Variants in RPH3AL observed in about 807,000 individuals in gnomAD.
RPH3AL encodes the protein rabphilin 3A like (without C2 domains).
In RPH3AL, 38 loss-of-function variants were observed where a neutral mutation model predicts 43.1. The ratio of observed to expected loss-of-function variants is 0.88; its 90% CI spans 0.68 to 1.15. The LOEUF (loss-of-function observed/expected upper bound fraction) is 1.15. RPH3AL is among the 50% of genes most tolerant of loss of function. The pLI is 0.00. For synonymous variants in RPH3AL, 189 were observed against 176.3 expected (o/e 1.07, Z -0.57); for missense variants, 462 against 423.2 (o/e 1.09, Z -0.81).
intron 5 of RPH3AL, among the ~76,000 whole-genome samples, chr17:313,988 T>C (rs1047438550): frequency 3.3e-5 from 5 of 152,016 alleles, no homozygotes; most frequent in Admixed American, 6.6e-5. Context: ...CTCAGTCTGC[T>C]CAACACCAAG....
At chr17:316,559 A>C (rs1337893890) in intron 5 of RPH3AL, among the ~76,000 whole-genome samples, 3 of 141,292 alleles carry the variant, frequency 2.1e-5, no homozygotes, top group Non-Finnish European at 4.5e-5. Flanking sequence ...ACTGACATGT[A>C]GTCCCTGTGC....
At chr17:272,769 C>T (rs896930548) in intron 6 of RPH3AL, among the ~76,000 whole-genome samples, 29 of 150,978 alleles carry the variant, frequency 1.9e-4, no homozygotes, top group Non-Finnish European at 3.2e-4. Flanking sequence ...AAGTCACACA[C>T]ACACACACAC....
rs1044882593 is a variant in RPH3AL at position 246,770 on chromosome 17, G to T, written c.613+341C>A. Reference sequence around the variant, plus strand: ...GAGGGCCTGCCTGGGAAAGATGTAGGTTTTATACTTTGCAAAATACCTTAA... The same window carrying T: ...GAGGGCCTGCCTGGGAAAGATGTAGTTTTTATACTTTGCAAAATACCTTAA... On this transcript the variant is annotated intron_variant, in intron 7 of 9. Transcript: ENST00000331302. This position sits in a 1 kb window ranked among gnomAD's most constrained non-coding sequence, Gnocchi z 4.8. Among the ~76,000 whole-genome samples the T allele has an allele frequency of 1.3e-5, 2 of 152,190 alleles. No individual in the cohort carries two copies. The highest frequency in any genetic ancestry group is 2.9e-5 in the Non-Finnish European group (2 of 68,036).
At chr17:258,105 C>T (rs1382079904) in intron 6 of RPH3AL, among the ~76,000 whole-genome samples, 3 of 152,222 alleles carry the variant, frequency 2.0e-5, no homozygotes, top group East Asian at 3.9e-4. Context: ...TGAGGCTGAG[C>T]AATGTTCCCC....
chr17:238,140 A>T (rs918610816), intron 7 of RPH3AL, among the ~76,000 whole-genome samples: 4 of 144,634 alleles, frequency 2.8e-5, no homozygotes, highest in Non-Finnish European at 6.1e-5. Context: ...AAACCCTGAG[A>T]AAGAAAGAAA....
At chr17:239,311 A>C (rs910866793) in intron 7 of RPH3AL, among the ~76,000 whole-genome samples, 1 of 152,188 alleles carries the variant, frequency 6.6e-6, no homozygotes, top group Non-Finnish European at 1.5e-5. Flanking sequence ...TAACATTTCG[A>C]TCTTACCTAT....
At chr17:241,715 TTTTTTC>T (rs2041539745) in intron 7 of RPH3AL, among the ~76,000 whole-genome samples, 2 of 98,044 alleles carry the variant, frequency 2.0e-5, no homozygotes, top group Non-Finnish European at 4.2e-5. Context: ...CTTTTTCTTT[TTTTTTC>T]TTTTTTTTTT....
intron 6 of RPH3AL, among the ~76,000 whole-genome samples, chr17:275,035 T>C (rs1337808254): frequency 6.6e-6 from 1 of 152,092 alleles, no homozygotes; most frequent in Admixed American, 6.5e-5. Context: ...GCTGGAATGC[T>C]GTTCTAGGCT....
chr17:314,353 C>G (rs923953253), intron 5 of RPH3AL, among the ~76,000 whole-genome samples: 7 of 151,176 alleles, frequency 4.6e-5, no homozygotes, highest in African/African-American at 1.5e-4. Context: ...CCCGTTCTCC[C>G]AGGCAGGAGT....
rs1248007582 is a variant in RPH3AL at position 215,664 on chromosome 17, C to CGGGTCAGCCCGGGGCG, written c.850_865dup (p.Arg289ProfsTer21). 5 of 1,276,946 alleles carry CGGGTCAGCCCGGGGCG rather than the reference C, an allele frequency of 3.9e-6. No individual in the cohort carries two copies. The African/African-American group carries it at 7.7e-5, about 20-fold the overall frequency. The allele number at this position is 1,276,946 out of a possible 1,614,324, so 79.1% of individuals were successfully genotyped here. A position where few individuals can be genotyped will look rare whatever the true frequency, so the allele number is the denominator to read the frequency against. On this transcript the variant is annotated frameshift_variant, in exon 9 of 10. Transcript: ENST00000331302. LOFTEE classifies it high-confidence loss of function. This position sits in a 1 kb window ranked among gnomAD's most constrained non-coding sequence, Gnocchi z 4.1. Reference sequence around the variant, plus strand: ...CAGTTGGGTACTCACCGGGGCCCTTCGGGTCAGCCCGGGGCGGGGTCCCCC... The same window carrying CGGGTCAGCCCGGGGCG: ...CAGTTGGGTACTCACCGGGGCCCTTCGGGTCAGCCCGGGGCGGGGTCAGCCCGGGGCGGGGTCCCCC...
chr17:318,175 G>A (rs1247259625), intron 5 of RPH3AL, among the ~76,000 whole-genome samples: 1 of 151,980 alleles, frequency 6.6e-6, no homozygotes, highest in Non-Finnish European at 1.5e-5. Context: ...CTGAGGTCAG[G>A]AGTTCAAGAC....
chr17:263,992 T>C lies in RPH3AL; in HGVS notation c.439-16707A>G, dbSNP rs982363705. ...AGCAGGAAACAAGGGCCTGAGGGTA[T>C]CGTGCTGTTAGCGGACGCGATGCTG... On this transcript the variant is annotated intron_variant, in intron 6 of 9. Transcript: ENST00000331302. 2.6e-5 allele frequency among the ~76,000 whole-genome samples: 4 copies of C among 152,092 alleles called. No homozygotes were observed. The South Asian group carries it at 8.3e-4, about 32-fold the overall frequency.
chr17:347,407 T>C (rs914996429), intron 1 of RPH3AL, among the ~76,000 whole-genome samples: 8 of 152,178 alleles, frequency 5.3e-5, no homozygotes, highest in African/African-American at 1.9e-4. Context: ...ACAGTGGGAC[T>C]TTGTATCTAT....
chr17:327,414 G>T, intron 3 of RPH3AL, 53 bp downstream of exon 3: 2 of 1,469,102 alleles, frequency 1.4e-6, no homozygotes, highest in Non-Finnish European at 1.9e-6. Flanking sequence ...AGACAGGAGA[G>T]GAGCAGGGAG....
chr17:295,377 GTGTGGGAGGGA>G (rs2043152356), intron 5 of RPH3AL, among the ~76,000 whole-genome samples: 2 of 135,240 alleles, frequency 1.5e-5, no homozygotes, highest in Non-Finnish European at 3.2e-5. Context: ...ATGCACATCA[GTGTGGGAGGGA>G]CAGAGGAGCT....
chr17:273,877 C>A (rs1357526365), intron 6 of RPH3AL, among the ~76,000 whole-genome samples: 1 of 152,174 alleles, frequency 6.6e-6, no homozygotes, highest in East Asian at 1.9e-4. Context: ...TCTTAACCAG[C>A]TTTCAGCTCC....
In RPH3AL at chr17:299,257, C is replaced by T. The variant is rs189225996; in HGVS notation, c.352-17403G>A. ...CTCACTCCCTGCAGGGCCCGAATGC[C>T]GCTGCTGTCTGAGCCTGTATGTGGT... On this transcript the variant is annotated intron_variant, in intron 5 of 9. Transcript: ENST00000331302. Among the ~76,000 whole-genome samples, 800 of 151,830 alleles carry T rather than the reference C, an allele frequency of 5.3e-3. 7 individuals are homozygous for T. The highest frequency in any genetic ancestry group is 0.017 in the African/African-American group (700 of 41,406).
At chr17:243,093 T>C (rs1018584590) in intron 7 of RPH3AL, among the ~76,000 whole-genome samples, 2 of 134,124 alleles carry the variant, frequency 1.5e-5, no homozygotes, top group Non-Finnish European at 3.3e-5. Flanking sequence ...ATTGATTACC[T>C]TTCCTCTACT....
intron 5 of RPH3AL, among the ~76,000 whole-genome samples, chr17:310,643 C>T (rs2043621419): frequency 6.6e-6 from 1 of 152,212 alleles, no homozygotes; most frequent in African/African-American, 2.4e-5. Flanking sequence ...TGTTAGAGCC[C>T]TTCCAGCCCC....
Sources: gnomAD v4.1 joint callset for allele counts (sites outside exome capture counted in the v4.1 genomes callset) on GRCh38, gnomAD v4.1.1 for gene constraint, Gnocchi (gnomAD v3.1) non-coding constraint, MANE v1.5 for transcripts, NCBI Gene and HGNC (gene_info 2026-07-23, HGNC 2026-07-21) for gene names.